Variants in C12orf42 observed in about 807,000 individuals in gnomAD.
C12orf42 encodes the protein chromosome 12 open reading frame 42.
A neutral mutation model predicts 21.6 loss-of-function variants in C12orf42; 25 were observed. The observed-to-expected ratio is 1.16, with a 90% CI of 0.84 to 1.62. The LOEUF (loss-of-function observed/expected upper bound fraction) is 1.62. Ranked by LOEUF, C12orf42 falls within the 40% of genes most tolerant of loss-of-function variation. The pLI, the probability that C12orf42 is intolerant of heterozygous loss-of-function variation, is 0.00. For synonymous variants in C12orf42, 174 were observed against 175.0 expected (o/e 0.99, Z 0.05); for missense variants, 483 against 459.3 (o/e 1.05, Z -0.47).
At chr12:103,543,367 G>T in the C12orf42 span, among the ~76,000 whole-genome samples, 1 of 152,274 alleles carries the variant, frequency 6.6e-6, no homozygotes, top group East Asian at 1.9e-4. Flanking sequence ...CCAGCACTCT[G>T]GGAAGACGAG....
intron 2 of C12orf42, among the ~76,000 whole-genome samples, chr12:103,439,348 C>A (rs964440557): frequency 6.6e-6 from 1 of 151,772 alleles, no homozygotes; most frequent in Non-Finnish European, 1.5e-5. Context: ...TAGGCATGGG[C>A]AAGGACTTCA....
intron 10 of C12orf42, among the ~76,000 whole-genome samples, chr12:103,257,249 T>C (rs1442272638): frequency 6.6e-6 from 1 of 152,060 alleles, no homozygotes; most frequent in Non-Finnish European, 1.5e-5. Context: ...AACTAATGGG[T>C]ACTCAACTTA....
chr12:103,339,622 C>A (rs1433790603), intron 4 of C12orf42, among the ~76,000 whole-genome samples: 1 of 152,070 alleles, frequency 6.6e-6, no homozygotes, highest in Non-Finnish European at 1.5e-5. Context: ...TAGAGAAATG[C>A]AAATCAAAAG....
chr12:103,160,493 T>C, the C12orf42 span, among the ~76,000 whole-genome samples: 1 of 152,122 alleles, frequency 6.6e-6, no homozygotes, highest in African/African-American at 2.4e-5. Context: ...AGTAAATTTT[T>C]CCCCCAAGTA....
intron 2 of C12orf42, among the ~76,000 whole-genome samples, chr12:103,435,832 A>T (rs970067207): frequency 6.6e-6 from 1 of 152,256 alleles, no homozygotes; most frequent in Admixed American, 6.5e-5. Context: ...ACTCTGAAGG[A>T]TATTATCCAG....
the C12orf42 span, among the ~76,000 whole-genome samples, chr12:103,530,626 C>CGGGG: frequency 1.3e-5 from 2 of 150,780 alleles, no homozygotes; most frequent in East Asian, 1.9e-4. Flanking sequence ...GGCAAGTGTT[C>CGGGG]GGGGGGGGAA....
chr12:103,518,175 C>T, the C12orf42 span, among the ~76,000 whole-genome samples: 2 of 152,200 alleles, frequency 1.3e-5, no homozygotes, highest in African/African-American at 4.8e-5. Flanking sequence ...CCACAGTCTA[C>T]TGATGTATGG....
chr12:103,170,070 C>G, the C12orf42 span, among the ~76,000 whole-genome samples: 2 of 152,120 alleles, frequency 1.3e-5, no homozygotes, highest in African/African-American at 2.4e-5. Context: ...GTGTAGTACT[C>G]CAGGCTTGAG....
chr12:103,222,989 A>G, the C12orf42 span, among the ~76,000 whole-genome samples: 1 of 151,910 alleles, frequency 6.6e-6, no homozygotes, highest in Non-Finnish European at 1.5e-5. Context: ...GTCTACAAAC[A>G]TAATCTCATT....
At chr12:103,084,765 T>TAAC in the C12orf42 span, among the ~76,000 whole-genome samples, 5 of 152,172 alleles carry the variant, frequency 3.3e-5, no homozygotes, top group East Asian at 1.9e-4. Context: ...ACAATGACAG[T>TAAC]AACAACAACA....
intron 2 of C12orf42, among the ~76,000 whole-genome samples, chr12:103,448,637 C>T (rs1482323371): frequency 6.6e-6 from 1 of 151,866 alleles, no homozygotes; most frequent in Non-Finnish European, 1.5e-5. Flanking sequence ...CATGAACAGA[C>T]AGTTCTCAAA....
At chr12:103,428,632 TC>T (rs1950031433) in intron 2 of C12orf42, among the ~76,000 whole-genome samples, 1 of 152,134 alleles carries the variant, frequency 6.6e-6, no homozygotes, top group Admixed American at 6.5e-5. Flanking sequence ...TCCAATGTCA[TC>T]CTGATACCAA....
chr12:103,304,454 C>T (rs1593348105), intron 5 of C12orf42, among the ~76,000 whole-genome samples: 1 of 152,162 alleles, frequency 6.6e-6, no homozygotes, highest in Non-Finnish European at 1.5e-5. Flanking sequence ...AAGTAGGTGA[C>T]ATTTCAAGTC....
the C12orf42 span, among the ~76,000 whole-genome samples, chr12:103,551,508 C>A: frequency 5.9e-5 from 9 of 152,040 alleles, no homozygotes; most frequent in East Asian, 1.4e-3. Flanking sequence ...TAGAGCAAGA[C>A]CCTGTCTCTC....
At chr12:103,410,852 A>T (rs1224745769) in intron 2 of C12orf42, among the ~76,000 whole-genome samples, 1 of 152,228 alleles carries the variant, frequency 6.6e-6, no homozygotes, top group Non-Finnish European at 1.5e-5. Context: ...CCATAAGGAA[A>T]GCGGGAAGAG....
At position 103,450,433 on chromosome 12, in the gene C12orf42, G is replaced by A. The variant is rs1171344967; in HGVS notation, c.78+27916C>T. Among the ~76,000 whole-genome samples, 14 of 152,146 alleles carry A rather than the reference G, an allele frequency of 9.2e-5. 1 individual carries two copies. The highest frequency in any genetic ancestry group is 6.5e-4 in the Admixed American group (10 of 15,276). On this transcript the variant is annotated intron_variant, in intron 2 of 5. Coordinates refer to ENST00000548883, the MANE Select transcript of C12orf42 (RefSeq NM_198521.5). ...TATTTTGGATCAGTATTTTCTATCA[G>A]TGTTCATGAAATTGTTCTATAACTT...
the C12orf42 span, among the ~76,000 whole-genome samples, chr12:103,177,731 G>A: frequency 6.6e-6 from 1 of 152,130 alleles, no homozygotes; most frequent in Non-Finnish European, 1.5e-5. Flanking sequence ...ATAGCAGTTT[G>A]CCTCTCCTCC....
intron 10 of C12orf42, among the ~76,000 whole-genome samples, chr12:103,260,720 A>G (rs546453071): frequency 6.6e-6 from 1 of 152,336 alleles, no homozygotes; most frequent in South Asian, 2.1e-4. Flanking sequence ...AAAATAGGAA[A>G]CTGACAATTA....
At chr12:103,058,741 A>G in the C12orf42 span, among the ~76,000 whole-genome samples, 232 of 152,302 alleles carry the variant, frequency 1.5e-3, no homozygotes, top group Non-Finnish European at 2.9e-3. Context: ...CTGGGTAAAT[A>G]ACGAAATTAA....
Sources: gnomAD v4.1 joint callset for allele counts (sites outside exome capture counted in the v4.1 genomes callset) on GRCh38, gnomAD v4.1.1 for gene constraint, MANE v1.5 for transcripts, NCBI Gene and HGNC (gene_info 2026-07-23, HGNC 2026-07-21) for gene names.